Variants in ARHGAP39 observed in about 807,000 individuals in gnomAD.
ARHGAP39 encodes the protein Rho GTPase activating protein 39.
In ARHGAP39, 44 loss-of-function variants were observed where a neutral mutation model predicts 106.9. That is an observed-to-expected ratio of 0.41 (90% CI 0.32 to 0.53). The LOEUF (loss-of-function observed/expected upper bound fraction) is 0.53. ARHGAP39 is among the 20% of genes least tolerant of loss of function. ARHGAP39 has a pLI of 0.21. For synonymous variants in ARHGAP39, 768 were observed against 693.2 expected (o/e 1.11, Z -1.69); for missense variants, 1,496 against 1,577.3 (o/e 0.95, Z 0.87).
chr8:144,601,218 G>A (rs1305451257), intron 2 of ARHGAP39, among the ~76,000 whole-genome samples: 5 of 145,946 alleles, frequency 3.4e-5, no homozygotes, highest in Non-Finnish European at 6.0e-5. Context: ...GTGGAGGTGC[G>A]TGTGCAAGCT....
intron 2 of ARHGAP39, among the ~76,000 whole-genome samples, chr8:144,601,465 GGT>G (rs1263040854): frequency 7.3e-6 from 1 of 136,916 alleles, no homozygotes; most frequent in African/African-American, 2.8e-5. Flanking sequence ...TGTGCGTGGA[GGT>G]GTGTGTGCGA....
intron 3 of ARHGAP39, among the ~76,000 whole-genome samples, chr8:144,577,731 T>C (rs1038550119): frequency 2.0e-5 from 3 of 152,072 alleles, no homozygotes. Context: ...TACACCACAA[T>C]GGACAATCCA....
Position 144,644,225 on chromosome 8 carries a change from C to T in ARHGAP39, c.-81-38530G>A, listed in dbSNP as rs1821384983. On this transcript the variant is annotated intron_variant, in intron 1 of 11. Transcript: ENST00000377307. The surrounding 1 kb of genome is among the most constrained non-coding windows in gnomAD (Gnocchi z 4.8). ...GACCCACTCAATGCGATGCTTCAGC[C>T]ATAGAGAGGGATTGGCTCTAAGGCT... Among the ~76,000 whole-genome samples, 1 of 152,160 alleles carries T rather than the reference C, an allele frequency of 6.6e-6. No homozygotes were observed. The highest frequency in any genetic ancestry group is 2.1e-4 in the South Asian group (1 of 4,826).
At chr8:144,562,339 C>T (rs1586908876) in intron 3 of ARHGAP39, among the ~76,000 whole-genome samples, 2 of 151,766 alleles carry the variant, frequency 1.3e-5, no homozygotes, top group African/African-American at 4.9e-5. Context: ...CCAGTGGTTT[C>T]CATCACGCTC....
At chr8:144,546,950 CAGCTG>C (rs1242865979) in intron 5 of ARHGAP39, among the ~76,000 whole-genome samples, 172 bp downstream of exon 5, 1 of 152,222 alleles carries the variant, frequency 6.6e-6, no homozygotes, top group East Asian at 1.9e-4. Context: ...CGTGGACTCC[CAGCTG>C]AGCCCTGACA....
intron 1 of ARHGAP39, among the ~76,000 whole-genome samples, chr8:144,638,294 T>C (rs1821226418): frequency 6.6e-6 from 1 of 152,340 alleles, no homozygotes; most frequent in East Asian, 1.9e-4. Flanking sequence ...TCTTGGTCTT[T>C]GGTGTTTTGG....
At chr8:144,587,888 C>A (rs1304268030) in intron 2 of ARHGAP39, among the ~76,000 whole-genome samples, 1 of 152,146 alleles carries the variant, frequency 6.6e-6, no homozygotes, top group African/African-American at 2.4e-5. Context: ...ACTGATCTGC[C>A]CGCTTTGGCC....
intron 3 of ARHGAP39, among the ~76,000 whole-genome samples, chr8:144,559,387 C>T (rs1452250467): frequency 9.1e-6 from 1 of 109,506 alleles, no homozygotes; most frequent in African/African-American, 3.6e-5. Context: ...AAAAAAGCTA[C>T]ATAATTAAAG....
At chr8:144,699,538 G>A in the ARHGAP39 span, among the ~76,000 whole-genome samples, 1 of 147,516 alleles carries the variant, frequency 6.8e-6, no homozygotes, top group East Asian at 2.0e-4. Context: ...GGCCTCGTGA[G>A]GCGCTGTGGG....
intron 7 of ARHGAP39, among the ~76,000 whole-genome samples, chr8:144,535,088 CCCCAGCG>C (rs1816900184): frequency 6.6e-6 from 1 of 152,208 alleles, no homozygotes; most frequent in Non-Finnish European, 1.5e-5. Context: ...ATGAGACCTG[CCCCAGCG>C]CCCAGCGCCT....
intron 2 of ARHGAP39, among the ~76,000 whole-genome samples, chr8:144,602,549 G>C (rs1290617475): frequency 7.2e-5 from 10 of 138,602 alleles, no homozygotes; most frequent in African/African-American, 2.7e-4. Context: ...TGTGTGCATG[G>C]AGGCGTGCGT....
intron 1 of ARHGAP39, among the ~76,000 whole-genome samples, chr8:144,615,821 C>G (rs1370068180): frequency 6.6e-6 from 1 of 152,252 alleles, no homozygotes; most frequent in African/African-American, 2.4e-5. Context: ...CTGGGCCAGG[C>G]TGGGCAAAGA....
Position 144,545,455 on chromosome 8 carries a change from G to A in ARHGAP39, c.2315C>T (p.Thr772Ile), listed in dbSNP as rs1269869562. 1 of 1,593,972 alleles carries A rather than the reference G, an allele frequency of 6.3e-7. No individual in the cohort carries two copies. The highest frequency in any genetic ancestry group is 8.6e-7 in the Non-Finnish European group (1 of 1,166,234). The change falls in exon 6 of 12, where the codon ACC (threonine) becomes ATC (isoleucine). Residue 772 changes from threonine (T) to isoleucine (I), a missense_variant. Thr to Ile is a moderately conservative substitution (Grantham distance 89). Around this residue, in one of 4 missense-constraint regions of ARHGAP39, gnomAD observed 470 missense variants for 605.1 expected, o/e 0.78. Coordinates refer to ENST00000377307, the MANE Select transcript of ARHGAP39 (RefSeq NM_025251.3). ...DPLHVALEVATKGWSVQGLRD... is the reference protein window; with the variant it reads ...DPLHVALEVAIKGWSVQGLRD... ...CAGGCCCTGCACGCTCCAGCCCTTG[G>A]TGGCCACCTCCAGGGCCACGTGCAG...
At chr8:144,678,953 G>T (rs1563735442) in intron 1 of ARHGAP39, among the ~76,000 whole-genome samples, 1 of 152,142 alleles carries the variant, frequency 6.6e-6, no homozygotes, top group Non-Finnish European at 1.5e-5. Context: ...TCAGGCAGGG[G>T]TTCTGATCAC....
Position 144,533,367 on chromosome 8 carries a change from C to T in ARHGAP39, c.2689-42G>A, listed in dbSNP as rs548174803. The T allele has an allele frequency of 5.3e-5, 84 of 1,584,024 alleles. 1 individual carries two copies. Among genetic ancestry groups the T allele is most frequent in the South Asian group, 1.3e-4 (12 of 90,336 alleles). On this transcript the variant is annotated intron_variant, in intron 8 of 11. Coordinates refer to ENST00000377307, the MANE Select transcript of ARHGAP39 (RefSeq NM_025251.3). The stretch of plus-strand genomic sequence containing the variant: ...TCCGTCCTGGTCTGGCCTGGCCATC[C>T]TCAGGACCCCCCGCCACCCCGGTTG...
chr8:144,653,535 A>G (rs1821624321), intron 1 of ARHGAP39, among the ~76,000 whole-genome samples: 1 of 152,120 alleles, frequency 6.6e-6, no homozygotes, highest in African/African-American at 2.4e-5. Context: ...ACCTGCTTGC[A>G]CGGAGAACCC....
rs1317148649 is a variant in ARHGAP39, at chr8:144,670,152, G to A, written c.-82+15534C>T. Among the ~76,000 whole-genome samples the A allele has an allele frequency of 2.0e-5, 3 of 152,206 alleles. No individual in the cohort carries two copies. Among genetic ancestry groups the A allele is most frequent in the Non-Finnish European group, 4.4e-5 (3 of 68,048 alleles). ...CTCGGATGCATGCTAGAGCGTACCG[G>A]GAAGCAGGATCAGGGCCTGGGACCA... On this transcript the variant is annotated intron_variant, in intron 1 of 11. Coordinates refer to ENST00000377307, the MANE Select transcript of ARHGAP39 (RefSeq NM_025251.3). The surrounding 1 kb of genome is among the most constrained non-coding windows in gnomAD (Gnocchi z 4.4).
chr8:144,544,931 G>A (rs111817249), intron 6 of ARHGAP39, among the ~76,000 whole-genome samples: 5 of 152,258 alleles, frequency 3.3e-5, no homozygotes, highest in African/African-American at 4.8e-5. Context: ...CTCCGCCCTC[G>A]GCGTCTTCGT....
chr8:144,537,189 G>A (rs1045262029), intron 7 of ARHGAP39, among the ~76,000 whole-genome samples: 12 of 152,100 alleles, frequency 7.9e-5, no homozygotes, highest in African/African-American at 4.8e-5. Context: ...GGGTGGGAAG[G>A]GTGCTGGTGG....
Sources: gnomAD v4.1 joint callset for allele counts (sites outside exome capture counted in the v4.1 genomes callset) on GRCh38, gnomAD v4.1.1 for gene constraint, gnomAD v4.1.1 regional missense constraint, Gnocchi (gnomAD v3.1) non-coding constraint, MANE v1.5 for transcripts, NCBI Gene and HGNC (gene_info 2026-07-23, HGNC 2026-07-21) for gene names.